Variants in TTC6 observed in about 807,000 individuals in gnomAD.
TTC6 encodes tetratricopeptide repeat domain 6, also known as tetratricopeptide repeat protein 6.
In TTC6, 172 loss-of-function variants were observed where a neutral mutation model predicts 210.4. That is an observed-to-expected ratio of 0.82 (90% CI 0.72 to 0.93). TTC6 has a LOEUF of 0.93. Ranked by LOEUF, TTC6 falls within the 40% of genes least tolerant of loss-of-function variation. The probability of loss-of-function intolerance (pLI) is 0.00; values close to 1 mark genes in which losing one functional copy is unlikely to be tolerated. For synonymous variants in TTC6, 804 were observed against 819.6 expected (o/e 0.98, Z 0.32); for missense variants, 2,414 against 2,318.1 (o/e 1.04, Z -0.85).
At position 37,776,199 on chromosome 14, in the gene TTC6, C is replaced by T. The variant is rs1163580624; in HGVS notation, c.3267-11269C>T. On this transcript the variant is annotated intron_variant, in intron 14 of 30. Transcript: ENST00000553443. ...CCGAGTAGCTGGGACTACAGGCGCC[C>T]GCCACCGCGCCCGGCTAATTTTTTG... Among the ~76,000 whole-genome samples the T allele has an allele frequency of 2.1e-5, 3 of 143,214 alleles. 1 individual carries two copies. Among genetic ancestry groups the T allele is most frequent in the African/African-American group, 7.7e-5 (3 of 38,864 alleles). The allele number at this position is 143,214 out of a possible 152,430, so 94.0% of individuals were successfully genotyped here.
At chr14:37,741,347 A>G (rs892826423) in intron 10 of TTC6, among the ~76,000 whole-genome samples, 27 of 127,116 alleles carry the variant, frequency 2.1e-4, no homozygotes, top group African/African-American at 8.3e-4. Flanking sequence ...GCTGGAGTGC[A>G]GTAGCACCTC....
At chr14:37,819,442 G>C (rs2096150440) in intron 26 of TTC6, among the ~76,000 whole-genome samples, 1 of 151,898 alleles carries the variant, frequency 6.6e-6, no homozygotes. Flanking sequence ...TGATCTCGTG[G>C]GGTTGCAGAC....
exon 8 of TTC6, chr14:37,736,000 C>G: frequency 1.3e-6 from 2 of 1,524,298 alleles, no homozygotes; most frequent in Non-Finnish European, 1.8e-6. Context: ...CATAGCAGAA[C>G]AAATTTTTGG....
chr14:37,789,455 G>A (rs1356836188), intron 15 of TTC6, among the ~76,000 whole-genome samples: 3 of 151,620 alleles, frequency 2.0e-5, no homozygotes, highest in East Asian at 1.9e-4. Flanking sequence ...ACAGTCATGC[G>A]CCACATAATG....
At chr14:37,684,914 A>G (rs2095790911) in intron 3 of TTC6, among the ~76,000 whole-genome samples, 1 of 152,194 alleles carries the variant, frequency 6.6e-6, no homozygotes, top group Non-Finnish European at 1.5e-5. Flanking sequence ...ATAAAGGAAC[A>G]ATGCAGGACT....
intron 1 of TTC6, among the ~76,000 whole-genome samples, chr14:37,630,909 T>TTTTTTTTTTG (rs2095668450): frequency 3.2e-5 from 1 of 31,254 alleles, no homozygotes; most frequent in Non-Finnish European, 6.6e-5. Context: ...CAACCCCTGT[T>TTTTTTTTTTG]TTTTTTTTTT....
chr14:37,796,279 G>T lies in TTC6; in HGVS notation c.3792-15G>T. On this transcript the variant is annotated splice_polypyrimidine_tract_variant and intron_variant, in intron 18 of 30. Coordinates refer to ENST00000553443, the Ensembl canonical transcript of TTC6. Reference sequence around the variant, plus strand: ...TTTTTAGCTGCTTAGAATCAAAATCGATTATTTCTTCCAGAGGACAATATC... The same window carrying T: ...TTTTTAGCTGCTTAGAATCAAAATCTATTATTTCTTCCAGAGGACAATATC... 2.6e-6 allele frequency: 3 copies of T among 1,148,396 alleles called. No homozygotes were observed. Among genetic ancestry groups the T allele is most frequent in the South Asian group, 3.0e-5 (2 of 65,588 alleles). The allele number at this position is 1,148,396 out of a possible 1,614,324, so 71.1% of individuals were successfully genotyped here. A position where few individuals can be genotyped will look rare whatever the true frequency, so the allele number is the denominator to read the frequency against.
chr14:37,630,670 G>C (rs539858715), intron 1 of TTC6, among the ~76,000 whole-genome samples: 1 of 152,148 alleles, frequency 6.6e-6, no homozygotes, highest in East Asian at 1.9e-4. Context: ...GTCTAATATT[G>C]ACAGTGGGGT....
intron 3 of TTC6, among the ~76,000 whole-genome samples, chr14:37,687,553 C>T (rs2080327028): frequency 6.6e-6 from 1 of 152,088 alleles, no homozygotes; most frequent in Admixed American, 6.5e-5. Flanking sequence ...CTGCATAGCT[C>T]ATGGCTCCAA....
At chr14:37,626,714 C>T (rs1353533435) in intron 1 of TTC6, among the ~76,000 whole-genome samples, 1 of 152,120 alleles carries the variant, frequency 6.6e-6, no homozygotes, top group African/African-American at 2.4e-5. Context: ...AAGCTGGTAA[C>T]ATACATAGGA....
At position 37,808,854 on chromosome 14, in the gene TTC6, G is replaced by T; in HGVS notation, c.4569+8G>T. 1.5e-6 allele frequency: 2 copies of T among 1,338,642 alleles called. No individual in the cohort carries two copies. The highest frequency in any genetic ancestry group is 2.1e-6 in the Non-Finnish European group (2 of 957,162). The allele number at this position is 1,338,642 out of a possible 1,614,324, so 82.9% of individuals were successfully genotyped here. ...ATAAGGGAACTTCAAATGGTAAGAT[G>T]ACCATTTTAGTAAACAATGTGTTTA... On this transcript the variant is annotated splice_region_variant and intron_variant, in intron 24 of 30. Transcript: ENST00000553443.
At chr14:37,787,062 T>G (rs984146536) in intron 14 of TTC6, among the ~76,000 whole-genome samples, 1 of 152,160 alleles carries the variant, frequency 6.6e-6, no homozygotes, top group Non-Finnish European at 1.5e-5. Flanking sequence ...CTAAAACTTC[T>G]ACTCACTAGG....
intron 14 of TTC6, 39 bp downstream of exon 16, chr14:37,753,274 A>AGGCCGGGCGCGGTGGCTCACGCCTG: frequency 6.9e-7 from 1 of 1,448,376 alleles, no homozygotes; most frequent in South Asian, 1.3e-5. Context: ...AATTATTACT[A>AGGCCGGGCGCGGTGGCTCACGCCTG]TTATTTGAAA....
chr14:37,621,971 AATTTT>A (rs2139296079), upstream of TTC6: 3 of 952,678 alleles, frequency 3.1e-6, no homozygotes, highest in South Asian at 5.6e-5. Context: ...GCTGAGCTGA[AATTTT>A]ATTCCAGTTT....
At chr14:37,745,164 A>G (rs1430231581) in intron 10 of TTC6, among the ~76,000 whole-genome samples, 1 of 152,190 alleles carries the variant, frequency 6.6e-6, no homozygotes, top group Non-Finnish European at 1.5e-5. Flanking sequence ...AAAAGAAAGC[A>G]TGTCAGGTCA....
In TTC6 at chr14:37,648,199, G is replaced by A. The variant is rs138507521; in HGVS notation, c.939+25196G>A. Among the ~76,000 whole-genome samples, 249 of 152,216 alleles carry A rather than the reference G, an allele frequency of 1.6e-3. 3 individuals are homozygous for A. The highest frequency in any genetic ancestry group is 5.7e-3 in the African/African-American group (236 of 41,532). On this transcript the variant is annotated intron_variant, in intron 1 of 30. Coordinates refer to ENST00000553443, the Ensembl canonical transcript of TTC6. ...GAAAGTGGTGATAATAGGAGTTCTT[G>A]TTTTATCCTTGACTTTAAACCAAAG...
chr14:37,823,907 A>G, exon 27 of TTC6: 1 of 1,614,034 alleles, frequency 6.2e-7, no homozygotes, highest in Non-Finnish European at 8.5e-7. Context: ...AGCACTGCAT[A>G]TTAATCCAGC....
intron 12 of TTC6, among the ~76,000 whole-genome samples, chr14:37,750,744 G>T (rs2095949311): frequency 6.6e-6 from 1 of 151,998 alleles, no homozygotes; most frequent in Non-Finnish European, 1.5e-5. Context: ...ACAAAAATTA[G>T]CTGGGTGTGG....
At chr14:37,795,944 G>A (rs899725402) in intron 18 of TTC6, among the ~76,000 whole-genome samples, 1 of 152,106 alleles carries the variant, frequency 6.6e-6, no homozygotes, top group Admixed American at 6.6e-5. Context: ...CTTTGTCCTT[G>A]AACCACATTT....
Sources: gnomAD v4.1 joint callset for allele counts (sites outside exome capture counted in the v4.1 genomes callset) on GRCh38, gnomAD v4.1.1 for gene constraint, MANE v1.5 for transcripts, NCBI Gene and HGNC (gene_info 2026-07-23, HGNC 2026-07-21) for gene names.